Variants in ZNF850 observed in about 807,000 individuals in gnomAD.
ZNF850 encodes the protein zinc finger protein 850.
Under a neutral mutation model 11.9 loss-of-function variants are expected in ZNF850, and 2 were observed. The observed-to-expected ratio is 0.17, with a 90% CI of 0.07 to 0.53. The LOEUF is 0.53. Among genes scored for constraint, ZNF850 ranks in the 20% least tolerant of loss-of-function variants. ZNF850 has a pLI of 0.94. For missense variants in ZNF850, 1,014 were observed against 1,316.4 expected, an observed-to-expected ratio of 0.77 and a Z score of 3.55; for synonymous variants, 381 against 443.0, an observed-to-expected ratio of 0.86 and a Z score of 1.76.
At position 36,746,419 on chromosome 19, in the gene ZNF850, C is replaced by T. The variant is rs2145952286; in HGVS notation, c.*1348G>A. 6.6e-6 allele frequency: 1 copy of T among 152,340 alleles called. No homozygotes were observed. Among genetic ancestry groups the T allele is most frequent in the South Asian group, 2.1e-4 (1 of 4,824 alleles). 9.4% of individuals were successfully genotyped at this position (152,340 alleles called of 1,614,324 possible). ...GTGTGTGTTCTGACTGCTCCACTGA[C>T]TGGCTCACTGCAACATCCGCCTCCC... On this transcript the variant is annotated 3_prime_UTR_variant, in exon 5 of 5. Coordinates refer to ENST00000591344, the MANE Select transcript of ZNF850 (RefSeq NM_001193552.2).
At position 36,749,698 on chromosome 19, in the gene ZNF850, G is replaced by A. The variant is rs2040439676; in HGVS notation, c.1342C>T (p.Pro448Ser). 1 of 1,560,188 alleles carries A rather than the reference G, an allele frequency of 6.4e-7. No individual in the cohort carries two copies. Among genetic ancestry groups the A allele is most frequent in the African/African-American group, 1.4e-5 (1 of 73,228 alleles). Residue 448 changes from proline (P) to serine (S), a missense_variant, in exon 5 of 5, where the codon CCC becomes TCC. By Grantham distance (74) the Pro-to-Ser change is moderately conservative. Transcript: ENST00000591344. Reference protein sequence around the residue: ...QHQRIHTGEKPYDCKECGKSF... With the variant: ...QHQRIHTGEKSYDCKECGKSF... ...TTCCCACACTCCTTACAATCATAGG[G>A]TTTCTCACCAGTGTGAATTCGCTGA...
rs1362697009 is a variant in ZNF850 at position 36,743,711 on chromosome 19, A to C, written c.*4056T>G. On this transcript the variant is annotated 3_prime_UTR_variant, in exon 5 of 5. Transcript: ENST00000591344. Reference sequence around the variant, plus strand: ...AGTATCTAGAAATAAGTAAAACAAGAAATGTGTACACTTTTATGCTAAAAA... The same window carrying C: ...AGTATCTAGAAATAAGTAAAACAAGCAATGTGTACACTTTTATGCTAAAAA... The C allele has an allele frequency of 6.6e-6, 1 of 152,354 alleles. No individual in the cohort carries two copies. Among genetic ancestry groups the C allele is most frequent in the Non-Finnish European group, 1.5e-5 (1 of 68,036 alleles). 9.4% of individuals were successfully genotyped at this position (152,354 alleles called of 1,614,324 possible). A position where few individuals can be genotyped will look rare whatever the true frequency, so the allele number is the denominator to read the frequency against.
chr19:36,760,315 C>T (rs746702089), intron 4 of ZNF850, among the ~76,000 whole-genome samples: 7 of 151,850 alleles, frequency 4.6e-5, no homozygotes, highest in Admixed American at 1.3e-4. Context: ...GGTGTGGTGG[C>T]GCGTGCCTGT....
Position 36,753,422 on chromosome 19 carries a change from C to CAAAAAAAAAAAAAAAAAAAA in ZNF850, c.236-2638_236-2619dup, listed in dbSNP as rs58851544. On this transcript the variant is annotated intron_variant, in intron 4 of 4. Coordinates refer to ENST00000591344, the MANE Select transcript of ZNF850 (RefSeq NM_001193552.2). ...TGGGCAACAGCCTGGGACACTGTCT[C>CAAAAAAAAAAAAAAAAAAAA]AAAAAAAAAAAAAAAAAAAAAAAAG... Among the ~76,000 whole-genome samples the CAAAAAAAAAAAAAAAAAAAA allele has an allele frequency of 1.5e-4, 7 of 46,650 alleles. 1 individual carries two copies. Among genetic ancestry groups the CAAAAAAAAAAAAAAAAAAAA allele is most frequent in the African/African-American group, 2.1e-4 (3 of 14,202 alleles). The allele number at this position is 46,650 out of a possible 152,430, so 30.6% of individuals were successfully genotyped here. A position where few individuals can be genotyped will look rare whatever the true frequency, so the allele number is the denominator to read the frequency against.
chr19:36,769,186 C>T (rs561017301), intron 1 of ZNF850, among the ~76,000 whole-genome samples: 15 of 146,726 alleles, frequency 1.0e-4, no homozygotes, highest in Non-Finnish European at 1.5e-4. Flanking sequence ...CACTTGAACC[C>T]GGCAGGCGGA....
chr19:36,761,316 TATA>T (rs1476565359), intron 4 of ZNF850, among the ~76,000 whole-genome samples: 1 of 152,014 alleles, frequency 6.6e-6, no homozygotes, highest in Non-Finnish European at 1.5e-5. Context: ...GGTGGATGCC[TATA>T]ATGCCAGTTC....
At chr19:36,768,228 T>C (rs2040560269) in intron 1 of ZNF850, among the ~76,000 whole-genome samples, 1 of 151,668 alleles carries the variant, frequency 6.6e-6, no homozygotes, top group South Asian at 2.1e-4. Flanking sequence ...AACTATAATA[T>C]AGAGTAAATG....
At chr19:36,753,444 A>AAAAAT in intron 4 of ZNF850, among the ~76,000 whole-genome samples, 1 of 145,400 alleles carries the variant, frequency 6.9e-6, no homozygotes, top group Non-Finnish European at 1.5e-5. Flanking sequence ...AAAAAAAAAA[A>AAAAAT]AAGCCGGGTG....
At position 36,760,542 on chromosome 19, in the gene ZNF850, T is replaced by C. The variant is rs555059962; in HGVS notation, c.235+1101A>G. ...CCACCAAGAAAAGAAGGCTTTATGA[T>C]TTTTTTTTTAAGTCAATAAATTTTG... On this transcript the variant is annotated intron_variant, in intron 4 of 4. Transcript: ENST00000591344. 1.2e-3 allele frequency among the ~76,000 whole-genome samples: 183 copies of C among 150,066 alleles called. 1 individual carries two copies. Among genetic ancestry groups the C allele is most frequent in the African/African-American group, 4.3e-3 (177 of 40,984 alleles).
At position 36,747,695 on chromosome 19, in the gene ZNF850, T is replaced by C; in HGVS notation, c.*72A>G. The C allele has an allele frequency of 7.6e-7, 1 of 1,323,160 alleles. No individual in the cohort carries two copies. Among genetic ancestry groups the C allele is most frequent in the South Asian group, 1.6e-5 (1 of 61,096 alleles). 82.0% of individuals were successfully genotyped at this position (1,323,160 alleles called of 1,614,324 possible). On this transcript the variant is annotated 3_prime_UTR_variant, in exon 5 of 5. Coordinates refer to ENST00000591344, the MANE Select transcript of ZNF850 (RefSeq NM_001193552.2). ...GTGAATATGAAGTAATACACATCCATTGTATTTGACCCACATATGGAATCT... is the reference window on the plus strand; with the variant it reads ...GTGAATATGAAGTAATACACATCCACTGTATTTGACCCACATATGGAATCT...
Position 36,747,730 on chromosome 19 carries a change from C to T in ZNF850, c.*37G>A, listed in dbSNP as rs750762461. The T allele has an allele frequency of 9.6e-6, 14 of 1,453,498 alleles. No homozygotes were observed. The highest frequency in any genetic ancestry group is 8.5e-5 in the African/African-American group (6 of 70,294). The allele number at this position is 1,453,498 out of a possible 1,614,324, so 90.0% of individuals were successfully genotyped here. Reference sequence around the variant, plus strand: ...CCCACATATGGAATCTGCTGATGATCCATGACAAATGGCATGAGAACAGTT... The same window carrying T: ...CCCACATATGGAATCTGCTGATGATTCATGACAAATGGCATGAGAACAGTT... On this transcript the variant is annotated 3_prime_UTR_variant, in exon 5 of 5. Transcript: ENST00000591344.
chr19:36,771,667 C>A (rs1453033761), intron 1 of ZNF850, among the ~76,000 whole-genome samples: 1 of 152,108 alleles, frequency 6.6e-6, no homozygotes, highest in African/African-American at 2.4e-5. Flanking sequence ...AAAGAGGCCG[C>A]GCTCACAGTC....
At position 36,749,034 on chromosome 19, in the gene ZNF850, C is replaced by A; in HGVS notation, c.2006G>T (p.Gly669Val). The change falls in exon 5 of 5, where the codon GGT becomes GTT. Residue 669 changes from glycine to valine, a missense_variant. By Grantham distance (109) the Gly-to-Val change is moderately radical (BLOSUM62 -3). Around this residue, in one of 2 missense-constraint regions of ZNF850, gnomAD observed 835 missense variants for 1,022.0 expected, o/e 0.82. Coordinates refer to ENST00000591344, the MANE Select transcript of ZNF850 (RefSeq NM_001193552.2). Reference sequence around the variant, plus strand: ...GTCCGGACATTCATAGGGTTTCTCACCAGTGTGAATTCTGTGATGTTGGGT... The same window carrying A: ...GTCCGGACATTCATAGGGTTTCTCAACAGTGTGAATTCTGTGATGTTGGGT... ...GLTQHHRIHT[G>V]EKPYECPDCG... is the part of the protein sequence containing the mutation. 6.2e-7 allele frequency: 1 copy of A among 1,608,974 alleles called. No individual in the cohort carries two copies. The highest frequency in any genetic ancestry group is 8.5e-7 in the Non-Finnish European group (1 of 1,178,468).
intron 1 of ZNF850, among the ~76,000 whole-genome samples, chr19:36,771,126 C>G (rs1385747136): frequency 1.3e-5 from 2 of 152,178 alleles, no homozygotes; most frequent in African/African-American, 4.8e-5. Context: ...TTTTTGCCTT[C>G]TTTCTCTCAC....
In ZNF850 at chr19:36,744,485, G is replaced by C. The variant is rs2040399818; in HGVS notation, c.*3282C>G. On this transcript the variant is annotated 3_prime_UTR_variant, in exon 5 of 5. Transcript: ENST00000591344. ...CTACAAAAGATACAAAAATTAGCTA[G>C]GTGTGGTGGTGTGCGCCTGTAGTCC... 6.6e-6 allele frequency: 1 copy of C among 152,048 alleles called. No homozygotes were observed. The highest frequency in any genetic ancestry group is 2.4e-5 in the African/African-American group (1 of 41,382). The allele number at this position is 152,048 out of a possible 1,614,324, so 9.4% of individuals were successfully genotyped here.
chr19:36,767,867 G>T (rs2040557983), intron 1 of ZNF850, among the ~76,000 whole-genome samples: 1 of 152,168 alleles, frequency 6.6e-6, no homozygotes, highest in Admixed American at 6.5e-5. Context: ...TAATGATGGA[G>T]CAAAGAAATC....
intron 1 of ZNF850, among the ~76,000 whole-genome samples, chr19:36,768,087 C>T (rs1448294681): frequency 6.6e-6 from 1 of 151,788 alleles, no homozygotes; most frequent in Non-Finnish European, 1.5e-5. Context: ...ATAGGGAGAC[C>T]CCCGTCTCTG....
At chr19:36,761,912 G>C (rs2040520787) in intron 3 of ZNF850, among the ~76,000 whole-genome samples, 174 bp from the exon 4 acceptor site, 1 of 151,922 alleles carries the variant, frequency 6.6e-6, no homozygotes, top group South Asian at 2.1e-4. Flanking sequence ...TGGGCATGGT[G>C]GTGGGTGCCT....
chr19:36,753,023 A>G (rs1022433103), intron 4 of ZNF850, among the ~76,000 whole-genome samples: 1 of 152,014 alleles, frequency 6.6e-6, no homozygotes, highest in African/African-American at 2.4e-5. Flanking sequence ...TAATCTCAGC[A>G]CTTTGGGAGT....
Sources: allele counts gnomAD v4.1 joint callset (sites outside exome capture counted in the v4.1 genomes callset), GRCh38; gene constraint gnomAD v4.1.1; regional missense constraint gnomAD v4.1.1; transcripts MANE v1.5; gene names NCBI Gene and HGNC (gene_info 2026-07-23, HGNC 2026-07-21).